DENND2B: variants seen among roughly 807,000 people sequenced by gnomAD.
DENND2B encodes DENN domain containing 2B, also known as DENN domain-containing protein 2B.
Under a neutral mutation model 116.0 loss-of-function variants are expected in DENND2B, and 32 were observed. That is an observed-to-expected ratio of 0.28 (90% CI 0.21 to 0.37). DENND2B has a LOEUF of 0.37. Ranked by LOEUF, DENND2B falls within the 10% of genes least tolerant of loss-of-function variation. DENND2B has a pLI of 1.00. For missense variants in DENND2B, 1,276 were observed against 1,477.7 expected (o/e 0.86, Z 2.24); for synonymous variants, 588 against 583.9 (o/e 1.01, Z -0.10).
chr11:8,853,091 C>T (rs1281348361), intron 3 of DENND2B, among the ~76,000 whole-genome samples: 4 of 152,110 alleles, frequency 2.6e-5, no homozygotes, highest in African/African-American at 7.2e-5. Flanking sequence ...CGGCCAGGCG[C>T]GGTGGCTCAC....
chr11:8,816,371 C>A (rs1368982446), intron 4 of DENND2B, among the ~76,000 whole-genome samples: 1 of 152,050 alleles, frequency 6.6e-6, no homozygotes, highest in African/African-American at 2.4e-5. Flanking sequence ...CATAAGGAAA[C>A]CCTATCTTTA....
At chr11:8,755,895 G>A (rs1273684155) in intron 1 of DENND2B, among the ~76,000 whole-genome samples, 1 of 152,236 alleles carries the variant, frequency 6.6e-6, no homozygotes, top group African/African-American at 2.4e-5. Flanking sequence ...TGGCTCTAGT[G>A]AGATACTCTC....
intron 1 of DENND2B, chr11:8,809,883 G>C (rs2061234771): frequency 6.6e-6 from 1 of 150,410 alleles, no homozygotes; most frequent in African/African-American, 2.5e-5. Context: ...GAAAGTCTGT[G>C]ATCGACCTTT....
At chr11:8,901,231 T>TTTCTTTTCTTTC (rs1383289123) in intron 1 of DENND2B, among the ~76,000 whole-genome samples, 2 of 87,342 alleles carry the variant, frequency 2.3e-5, no homozygotes, top group Non-Finnish European at 5.5e-5. Context: ...TTTCTTTTCT[T>TTTCTTTTCTTTC]TTTTTTTTTT....
chr11:8,749,450 A>C (rs1028168365), intron 2 of DENND2B, among the ~76,000 whole-genome samples: 1 of 152,206 alleles, frequency 6.6e-6, no homozygotes, highest in Non-Finnish European at 1.5e-5. Context: ...TACGTACTTA[A>C]CAAGTCAGAG....
At chr11:8,744,788 C>G (rs929508649) in intron 2 of DENND2B, among the ~76,000 whole-genome samples, 4 of 152,134 alleles carry the variant, frequency 2.6e-5, no homozygotes, top group African/African-American at 9.7e-5. Context: ...CTAAGCCTGT[C>G]CCACCAGTGT....
At chr11:8,774,594 C>T (rs1229720805) in intron 1 of DENND2B, among the ~76,000 whole-genome samples, 2 of 152,210 alleles carry the variant, frequency 1.3e-5, no homozygotes, top group East Asian at 3.9e-4. Context: ...CACCCCAACT[C>T]CTGGCTGTGC....
chr11:8,844,873 T>C (rs773697105), intron 3 of DENND2B, among the ~76,000 whole-genome samples: 40 of 152,132 alleles, frequency 2.6e-4, no homozygotes, highest in Admixed American at 1.2e-3. Flanking sequence ...CAGCTAGAAC[T>C]ACAGATGCCC....
Position 8,712,419 on chromosome 11 carries a change from G to T in DENND2B, c.2172+132C>A. 1.9e-6 allele frequency: 2 copies of T among 1,034,096 alleles called. No individual in the cohort carries two copies. The highest frequency in any genetic ancestry group is 2.7e-6 in the Non-Finnish European group (2 of 729,114). 64.1% of individuals were successfully genotyped at this position (1,034,096 alleles called of 1,614,324 possible). A position where few individuals can be genotyped will look rare whatever the true frequency, so the allele number is the denominator to read the frequency against. ...TGTCTTCCCTCCTGGCTGAGAGGAGGCAGGTTCAGGGCTGTGGCAGCTCGG... is the reference window on the plus strand; with the variant it reads ...TGTCTTCCCTCCTGGCTGAGAGGAGTCAGGTTCAGGGCTGTGGCAGCTCGG... On this transcript the variant is annotated intron_variant, in intron 9 of 19. Coordinates refer to ENST00000313726, the MANE Select transcript of DENND2B (RefSeq NM_213618.2). This position sits in a 1 kb window ranked among gnomAD's most constrained non-coding sequence, Gnocchi z 4.4.
At chr11:8,756,503 T>C (rs1159325468) in intron 1 of DENND2B, among the ~76,000 whole-genome samples, 3 of 152,214 alleles carry the variant, frequency 2.0e-5, no homozygotes, top group Admixed American at 2.0e-4. Context: ...TCAGGCATCT[T>C]GAGCTGGCAC....
chr11:8,809,796 T>A (rs2061224165), intron 1 of DENND2B: 1 of 152,114 alleles, frequency 6.6e-6, no homozygotes, highest in African/African-American at 2.4e-5. Context: ...TGCTGAGAGC[T>A]CACTCTGGGA....
In DENND2B at chr11:8,702,633, T is replaced by C; in HGVS notation, c.2659A>G (p.Ile887Val). 6.2e-7 allele frequency: 1 copy of C among 1,613,930 alleles called. No individual in the cohort carries two copies. The highest frequency in any genetic ancestry group is 8.5e-7 in the Non-Finnish European group (1 of 1,180,034). The change falls in exon 14 of 20, where the codon ATC becomes GTC. Residue 887 changes from isoleucine to valine, a missense_variant. Ile to Val is a conservative substitution (Grantham distance 29). Coordinates refer to ENST00000313726, the MANE Select transcript of DENND2B (RefSeq NM_213618.2). This position sits in a 1 kb window ranked among gnomAD's most constrained non-coding sequence, Gnocchi z 4.6. ...AGCAGCAGTGAGGCAAAGATTCGGA[T>C]GAGCTGGCGCACACTGAGGCAGGTA... is the stretch of plus-strand genomic sequence containing the variant. ...LFTCLSVRQL[I>V]RIFASLLLER...
At chr11:8,804,584 G>A (rs1369350932) in intron 1 of DENND2B, among the ~76,000 whole-genome samples, 5 of 124,928 alleles carry the variant, frequency 4.0e-5, no homozygotes, top group East Asian at 2.3e-4. Flanking sequence ...TTGCTCTGTC[G>A]CCCAGGCTGG....
chr11:8,803,713 G>A (rs933950430), intron 1 of DENND2B, among the ~76,000 whole-genome samples: 15 of 152,142 alleles, frequency 9.9e-5, no homozygotes, highest in Non-Finnish European at 2.2e-4. Flanking sequence ...CTTTGAGGTG[G>A]GTAATATTAT....
At chr11:8,752,224 A>G (rs1356247440) in intron 1 of DENND2B, among the ~76,000 whole-genome samples, 1 of 152,206 alleles carries the variant, frequency 6.6e-6, no homozygotes, top group African/African-American at 2.4e-5. Flanking sequence ...AGGCCAAGGC[A>G]GGCAGTTCAC....
intron 4 of DENND2B, among the ~76,000 whole-genome samples, chr11:8,816,653 T>C (rs1339189488): frequency 6.6e-6 from 1 of 152,164 alleles, no homozygotes; most frequent in Non-Finnish European, 1.5e-5. Context: ...TTAAGGGCTT[T>C]ACAGTTTTCC....
chr11:8,900,164 G>A (rs369428461), intron 1 of DENND2B, among the ~76,000 whole-genome samples: 4 of 151,900 alleles, frequency 2.6e-5, no homozygotes, highest in African/African-American at 7.3e-5. Context: ...AGTGGCTCAC[G>A]CCTATAATCC....
chr11:8,717,263 C>A (rs2045048436), intron 5 of DENND2B, among the ~76,000 whole-genome samples: 1 of 152,204 alleles, frequency 6.6e-6, no homozygotes, highest in Non-Finnish European at 1.5e-5. Flanking sequence ...GTCACAGACA[C>A]CTGTCTGGCT....
chr11:8,865,338 AG>A lies in DENND2B; in HGVS notation c.-250+5615del, dbSNP rs530673069. Among the ~76,000 whole-genome samples the A allele has an allele frequency of 3.2e-3, 482 of 152,338 alleles. 2 individuals carry two copies. The highest frequency in any genetic ancestry group is 5.6e-3 in the Non-Finnish European group (382 of 68,032). On this transcript the variant is annotated intron_variant, in intron 2 of 6. Transcript: ENST00000524757. ...ATATTCCACAATTACTTATGCTGAT[AG>A]AAAAAAATATATATATTTTACTCCA...
Sources: gnomAD v4.1 joint callset for allele counts (sites outside exome capture counted in the v4.1 genomes callset) on GRCh38, gnomAD v4.1.1 for gene constraint, Gnocchi (gnomAD v3.1) non-coding constraint, MANE v1.5 for transcripts, NCBI Gene and HGNC (gene_info 2026-07-23, HGNC 2026-07-21) for gene names.